Variants in FAM193A observed in about 807,000 individuals in gnomAD.
FAM193A encodes protein FAM193A.
In FAM193A, 22 loss-of-function variants were observed where a neutral mutation model predicts 126.5. The observed-to-expected ratio is 0.17, with a 90% CI of 0.12 to 0.25. The LOEUF is 0.25. Ranked by LOEUF, FAM193A falls within the 10% of genes least tolerant of loss-of-function variation. FAM193A has a pLI of 1.00. For missense variants in FAM193A, 1,675 were observed against 1,672.8 expected, an observed-to-expected ratio of 1.00 and a Z score of -0.02; for synonymous variants, 761 against 646.8, an observed-to-expected ratio of 1.18 and a Z score of -2.68.
At chr4:2,700,641 G>T in intron 19 of FAM193A, 97 bp downstream of exon 19, 2 of 1,426,420 alleles carry the variant, frequency 1.4e-6, no homozygotes, top group Non-Finnish European at 1.9e-6. Context: ...GCATGCTCTC[G>T]CCATGTGGCC....
Position 2,649,884 on chromosome 4 carries a change from C to T in FAM193A, c.1311+3052C>T, listed in dbSNP as rs541412679. Among the ~76,000 whole-genome samples the T allele has an allele frequency of 3.9e-5, 6 of 152,316 alleles. No individual in the cohort carries two copies. In the South Asian group the frequency reaches 1.2e-3, roughly 32 times the overall value. On this transcript the variant is annotated intron_variant, in intron 7 of 20. Coordinates refer to ENST00000637812, the MANE Select transcript of FAM193A (RefSeq NM_001366318.2). ...TGAAGCCTGTCAGTGTTTATAGCCACTCCCTATTGCTTGCATTACCGCCTG... is the reference window on the plus strand; with the variant it reads ...TGAAGCCTGTCAGTGTTTATAGCCATTCCCTATTGCTTGCATTACCGCCTG...
At chr4:2,564,857 G>T (rs1240122550) in intron 1 of FAM193A, among the ~76,000 whole-genome samples, 1 of 152,028 alleles carries the variant, frequency 6.6e-6, no homozygotes, top group Non-Finnish European at 1.5e-5. Flanking sequence ...CCAGGTTGGA[G>T]GGCAGTGGCA....
chr4:2,629,948 T>G (rs199951330), intron 4 of FAM193A, among the ~76,000 whole-genome samples: 2 of 152,022 alleles, frequency 1.3e-5, no homozygotes, highest in African/African-American at 4.8e-5. Context: ...CTGGCTAACA[T>G]GGTGAAACCC....
intron 18 of FAM193A, among the ~76,000 whole-genome samples, 190 bp downstream of exon 18, chr4:2,696,783 A>C (rs1717090022): frequency 6.6e-6 from 1 of 152,080 alleles, no homozygotes; most frequent in Non-Finnish European, 1.5e-5. Context: ...TAAAAAACTT[A>C]ACTTTGTGTT....
At chr4:2,582,816 GTCT>G (rs1311514134) in intron 1 of FAM193A, among the ~76,000 whole-genome samples, 2 of 152,054 alleles carry the variant, frequency 1.3e-5, no homozygotes, top group Admixed American at 6.6e-5. Context: ...TCTGTCTTAA[GTCT>G]TCTTTCTTTG....
At chr4:2,581,933 G>T (rs953614827) in intron 1 of FAM193A, among the ~76,000 whole-genome samples, 3 of 152,098 alleles carry the variant, frequency 2.0e-5, no homozygotes, top group Non-Finnish European at 4.4e-5. Flanking sequence ...GATTACAGGC[G>T]TGAGCCACCG....
chr4:2,557,382 C>T lies in FAM193A; in HGVS notation c.255+20212C>T, dbSNP rs540223095. Among the ~76,000 whole-genome samples the T allele has an allele frequency of 1.8e-3, 275 of 152,168 alleles. 8 individuals are homozygous for T. In the South Asian group the frequency reaches 0.054, roughly 30 times the overall value. On this transcript the variant is annotated intron_variant, in intron 1 of 20. Transcript: ENST00000637812. ...GCTCTCCCTAATATGGATATTCTAGCGAACCTTGGTATATTTGTCAAAACT... is the reference window on the plus strand; with the variant it reads ...GCTCTCCCTAATATGGATATTCTAGTGAACCTTGGTATATTTGTCAAAACT...
At chr4:2,632,915 A>G (rs1743737458) in intron 5 of FAM193A, among the ~76,000 whole-genome samples, 2 of 152,286 alleles carry the variant, frequency 1.3e-5, no homozygotes, top group South Asian at 2.1e-4. Flanking sequence ...TCTCCAGCCC[A>G]CCTAAACCTG....
At chr4:2,553,984 CTT>C (rs965647001) in intron 1 of FAM193A, among the ~76,000 whole-genome samples, 35 of 152,242 alleles carry the variant, frequency 2.3e-4, no homozygotes, top group African/African-American at 6.7e-4. Context: ...ATGTGGAACT[CTT>C]TTTAAACTTT....
At chr4:2,615,391 G>A (rs957973888) in intron 2 of FAM193A, among the ~76,000 whole-genome samples, 1 of 151,990 alleles carries the variant, frequency 6.6e-6, no homozygotes, top group Non-Finnish European at 1.5e-5. Flanking sequence ...CTCTGTCTAA[G>A]CATTCCTTTA....
chr4:2,555,296 A>G (rs1738185610), intron 1 of FAM193A, among the ~76,000 whole-genome samples: 1 of 152,128 alleles, frequency 6.6e-6, no homozygotes, highest in Non-Finnish European at 1.5e-5. Flanking sequence ...GGGCCTGTAT[A>G]ACATTTATTT....
At chr4:2,639,697 C>T (rs1440606441) in intron 5 of FAM193A, 38 bp from the exon 6 acceptor site, 1 of 1,581,898 alleles carries the variant, frequency 6.3e-7, no homozygotes, top group African/African-American at 1.3e-5. Flanking sequence ...TAGCAATTCA[C>T]TACATCTTCT....
At position 2,722,577 on chromosome 4, in the gene FAM193A, A is replaced by G. The variant is rs181066832; in HGVS notation, c.4454+6473A>G. On this transcript the variant is annotated intron_variant, in intron 20 of 20. Transcript: ENST00000637812. ...GGGGACAGCAGAGGCAGAAGGTAAC[A>G]TCACAAACTCAGGGCTTGACCAGCT... is the stretch of plus-strand genomic sequence containing the variant. Among the ~76,000 whole-genome samples the G allele has an allele frequency of 3.3e-3, 503 of 152,340 alleles. 2 individuals are homozygous for G. Among genetic ancestry groups the G allele is most frequent in the African/African-American group, 0.012 (482 of 41,578 alleles).
At chr4:2,576,398 C>T (rs987237104) in intron 1 of FAM193A, among the ~76,000 whole-genome samples, 1 of 152,144 alleles carries the variant, frequency 6.6e-6, no homozygotes, top group African/African-American at 2.4e-5. Flanking sequence ...GTGCCTGGAA[C>T]ACCCAGTTAT....
intron 13 of FAM193A, among the ~76,000 whole-genome samples, chr4:2,688,463 C>T (rs978494185): frequency 6.6e-6 from 1 of 151,998 alleles, no homozygotes; most frequent in Non-Finnish European, 1.5e-5. Flanking sequence ...CATTCTAGAG[C>T]ATGGACACAG....
chr4:2,604,268 G>A (rs1023132565), intron 2 of FAM193A, among the ~76,000 whole-genome samples: 5 of 152,140 alleles, frequency 3.3e-5, no homozygotes, highest in Non-Finnish European at 7.4e-5. Flanking sequence ...CTAATACATA[G>A]TTACTTTTTT....
chr4:2,697,149 C>T (rs539645790), intron 18 of FAM193A, among the ~76,000 whole-genome samples: 2 of 152,202 alleles, frequency 1.3e-5, no homozygotes, highest in South Asian at 2.1e-4. Flanking sequence ...ATGAGCAGTT[C>T]CCTCCTTACC....
At chr4:2,611,920 TCC>T (rs1041735254) in intron 2 of FAM193A, among the ~76,000 whole-genome samples, 2 of 150,850 alleles carry the variant, frequency 1.3e-5, no homozygotes, top group South Asian at 2.1e-4. Flanking sequence ...CACTGCAAGC[TCC>T]GCCTCCCGGG....
chr4:2,699,191 A>G (rs1717378728), intron 18 of FAM193A, among the ~76,000 whole-genome samples: 2 of 152,190 alleles, frequency 1.3e-5, no homozygotes, highest in African/African-American at 4.8e-5. Flanking sequence ...GTTCAAGTGA[A>G]TGCATTAGCC....
Sources: allele counts gnomAD v4.1 joint callset (sites outside exome capture counted in the v4.1 genomes callset), GRCh38; gene constraint gnomAD v4.1.1; transcripts MANE v1.5; gene names NCBI Gene and HGNC (gene_info 2026-07-23, HGNC 2026-07-21).